The following ZNF417 variants were observed in gnomAD, a reference collection of about 807,000 sequenced individuals.
ZNF417 encodes the protein zinc finger protein 417.
Under a neutral mutation model 7.4 loss-of-function variants are expected in ZNF417, and 5 were observed. The observed-to-expected ratio is 0.68, with a 90% confidence interval of 0.35 to 1.43. The LOEUF (loss-of-function observed/expected upper bound fraction) is 1.43, where lower values mean the gene tolerates loss of function less well. ZNF417 is among the 40% of genes most tolerant of loss of function. The pLI is 0.04. For missense variants in ZNF417, 437 were observed against 697.3 expected, an observed-to-expected ratio of 0.63 and a Z score of 4.20; for synonymous variants, 147 against 239.1, an observed-to-expected ratio of 0.61 and a Z score of 3.55.
chr19:57,910,002 G>A lies in ZNF417; in HGVS notation c.276C>T (p.His92=). ...AGATGAGGCCACACATTTCACAGGGGTGAGCCTTCTTAGGAGAAACACCTG... is the reference window on the plus strand; with the variant it reads ...AGATGAGGCCACACATTTCACAGGGATGAGCCTTCTTAGGAGAAACACCTG... ...PRAGVSPKKA[H]PCEMCGLILE... Residue 92 remains histidine (H), a synonymous_variant, in exon 3 of 3, where the codon CAC becomes CAT. Coordinates refer to ENST00000312026, the MANE Select transcript of ZNF417 (RefSeq NM_152475.3). The A allele has an allele frequency of 6.3e-7, 1 of 1,590,674 alleles. No homozygotes were observed. The highest frequency in any genetic ancestry group is 8.6e-7 in the Non-Finnish European group (1 of 1,168,244).
At position 57,908,635 on chromosome 19, in the gene ZNF417, T is replaced by C. The variant is rs1319894066; in HGVS notation, c.1643A>G (p.Tyr548Cys). ...HRRIHTGERP[Y>C]ECTKCGKTFQ... ...TGTTTTTCCACATTTGGTACATTCA[T>C]AAGGCCTTTCTCCAGTGTGAATTCT... Residue 548 changes from tyrosine to cysteine, a missense_variant, in exon 3 of 3, where the codon TAT becomes TGT. By Grantham distance (194) the Tyr-to-Cys change is radical (BLOSUM62 -2). Coordinates refer to ENST00000312026, the MANE Select transcript of ZNF417 (RefSeq NM_152475.3). 1 of 1,614,094 alleles carries C rather than the reference T, an allele frequency of 6.2e-7. No homozygotes were observed. Among genetic ancestry groups the C allele is most frequent in the Non-Finnish European group, 8.5e-7 (1 of 1,180,046 alleles).
At chr19:57,916,276 C>A in intron 1 of ZNF417, 103 bp downstream of exon 1, 1 of 1,603,042 alleles carries the variant, frequency 6.2e-7, no homozygotes, top group Non-Finnish European at 8.5e-7. Flanking sequence ...TGTTCCTACG[C>A]CGGGTACCGG....
Position 57,910,008 on chromosome 19 carries a change from C to T in ZNF417, c.270G>A (p.Lys90=), listed in dbSNP as rs938193685. Residue 90 remains lysine, a synonymous_variant, in exon 3 of 3, where the codon AAG becomes AAA. Coordinates refer to ENST00000312026, the MANE Select transcript of ZNF417 (RefSeq NM_152475.3). ...RTPRAGVSPK[K]AHPCEMCGLI... is the part of the protein sequence containing the mutation. The stretch of plus-strand genomic sequence containing the variant: ...GGCCACACATTTCACAGGGGTGAGC[C>T]TTCTTAGGAGAAACACCTGCCCTAG... 3 of 1,586,710 alleles carry T rather than the reference C, an allele frequency of 1.9e-6. No individual in the cohort carries two copies. Among genetic ancestry groups the T allele is most frequent in the Non-Finnish European group, 2.6e-6 (3 of 1,166,526 alleles).
chr19:57,906,760 C>CAAAAAAAAA lies in ZNF417; in HGVS notation c.*1781_*1789dup, dbSNP rs1180110149. 88 of 30,524 alleles carry CAAAAAAAAA rather than the reference C, an allele frequency of 2.9e-3. 6 individuals are homozygous for CAAAAAAAAA. Among genetic ancestry groups the CAAAAAAAAA allele is most frequent in the African/African-American group, 3.4e-3 (27 of 7,842 alleles). 1.9% of individuals were successfully genotyped at this position (30,524 alleles called of 1,614,324 possible). On this transcript the variant is annotated 3_prime_UTR_variant, in exon 3 of 3. Transcript: ENST00000312026. Reference sequence around the variant, plus strand: ...TGGGTGACAGAGTGAGACTCTGTCTCAAAAAAAAAAAAAAAAAAAAATTTA... The same window carrying CAAAAAAAAA: ...TGGGTGACAGAGTGAGACTCTGTCTCAAAAAAAAAAAAAAAAAAAAAAAAAAAAAATTTA...
chr19:57,909,980 T>C lies in ZNF417; in HGVS notation c.298A>G (p.Ile100Val). 11 of 1,590,650 alleles carry C rather than the reference T, an allele frequency of 6.9e-6. No individual in the cohort carries two copies. The highest frequency in any genetic ancestry group is 9.4e-6 in the Non-Finnish European group (11 of 1,168,238). ...KAHPCEMCGL[I>V]LEDVFHFADH... ...GCAAAGTGAAAAACATCCTCCAAGATGAGGCCACACATTTCACAGGGGTGA... is the reference window on the plus strand; with the variant it reads ...GCAAAGTGAAAAACATCCTCCAAGACGAGGCCACACATTTCACAGGGGTGA... Residue 100 changes from isoleucine to valine, a missense_variant, in exon 3 of 3, where the codon ATC becomes GTC. This residue lies in a region of ZNF417 where 60 missense variants were observed against 266.0 expected (regional missense o/e 0.23). Coordinates refer to ENST00000312026, the MANE Select transcript of ZNF417 (RefSeq NM_152475.3).
intron 1 of ZNF417, among the ~76,000 whole-genome samples, chr19:57,916,079 GTAA>G (rs1321216793): frequency 6.6e-6 from 1 of 152,244 alleles, no homozygotes; most frequent in African/African-American, 2.4e-5. Context: ...ACTGATTTGA[GTAA>G]TAATAAAACT....
rs1271144808 is a variant in ZNF417, at chr19:57,906,436, C to T, written c.*2114G>A. On this transcript the variant is annotated 3_prime_UTR_variant, in exon 3 of 3. Transcript: ENST00000312026. Reference sequence around the variant, plus strand: ...TATTCACATTTCTCAAGTGCCATGCCTTTAGGTGCCTATACATCATGCTAT... The same window carrying T: ...TATTCACATTTCTCAAGTGCCATGCTTTTAGGTGCCTATACATCATGCTAT... 6.6e-6 allele frequency among the ~76,000 whole-genome samples: 1 copy of T among 151,910 alleles called. No homozygotes were observed. The highest frequency in any genetic ancestry group is 1.5e-5 in the Non-Finnish European group (1 of 68,006).
chr19:57,908,592 G>A lies in ZNF417; in HGVS notation c.1686C>T (p.Thr562=). The A allele has an allele frequency of 1.2e-6, 2 of 1,613,526 alleles. No homozygotes were observed. The highest frequency in any genetic ancestry group is 2.7e-5 in the African/African-American group (2 of 74,820). Residue 562 remains threonine, a synonymous_variant, in exon 3 of 3, where the codon ACC becomes ACT. Transcript: ENST00000312026. ...KCGKTFQRSS[T]LLHHQSSHRR... ...TGTGTGAACTCTGATGATGAAGGAG[G>A]GTAGAGCTTCGCTGAAATGTTTTTC...
At chr19:57,915,426 CG>C in intron 1 of ZNF417, 1 of 408,654 alleles carries the variant, frequency 2.4e-6, no homozygotes, top group Non-Finnish European at 4.5e-6. Flanking sequence ...CTCCCGGCTC[CG>C]TCCATCTCCA....
chr19:57,912,961 A>G (rs2122535480), intron 1 of ZNF417, among the ~76,000 whole-genome samples: 1 of 151,940 alleles, frequency 6.6e-6, no homozygotes, highest in East Asian at 1.9e-4. Context: ...ACGGCCCATG[A>G]TTCCCTTGGG....
Position 57,909,354 on chromosome 19 carries a change from C to T in ZNF417, c.924G>A (p.Lys308=). ...CEECGKSFSQ[K]GSLISHQRVH... ...CACGCTGATGGCTAATAAGGCTGCC[C>T]TTCTGACTAAAAGATTTCCCGCACT... Residue 308 remains lysine (K), a synonymous_variant, in exon 3 of 3, where the codon AAG becomes AAA. Coordinates refer to ENST00000312026, the MANE Select transcript of ZNF417 (RefSeq NM_152475.3). The T allele has an allele frequency of 6.2e-7, 1 of 1,614,102 alleles. No individual in the cohort carries two copies. Among genetic ancestry groups the T allele is most frequent in the Non-Finnish European group, 8.5e-7 (1 of 1,179,944 alleles).
At chr19:57,915,994 T>C (rs906244767) in intron 1 of ZNF417, among the ~76,000 whole-genome samples, 1 of 152,190 alleles carries the variant, frequency 6.6e-6, no homozygotes, top group African/African-American at 2.4e-5. Context: ...TTTAACCCTC[T>C]ATGAATCCAT....
At chr19:57,912,748 A>G (rs2071910196) in intron 1 of ZNF417, among the ~76,000 whole-genome samples, 1 of 151,856 alleles carries the variant, frequency 6.6e-6, no homozygotes, top group South Asian at 2.1e-4. Flanking sequence ...AGCCGGGATT[A>G]CAGCCACGCA....
intron 1 of ZNF417, among the ~76,000 whole-genome samples, chr19:57,914,500 A>C (rs2071927944): frequency 6.7e-6 from 1 of 149,986 alleles, no homozygotes; most frequent in Non-Finnish European, 1.5e-5. Flanking sequence ...AAAAAAAAAA[A>C]AAAAAAAAAA....
rs1472325582 is a variant in ZNF417, at chr19:57,916,530, C to A, written c.-119G>T. The stretch of plus-strand genomic sequence containing the variant: ...TTCTAGGTTCAGTCACCGCGGTCCC[C>A]CCCCAGCACTCAGGGGCCACAAACT... On this transcript the variant is annotated 5_prime_UTR_variant, in exon 1 of 3. Coordinates refer to ENST00000312026, the MANE Select transcript of ZNF417 (RefSeq NM_152475.3). 1 of 1,566,012 alleles carries A rather than the reference C, an allele frequency of 6.4e-7. No homozygotes were observed. Among genetic ancestry groups the A allele is most frequent in the Non-Finnish European group, 8.6e-7 (1 of 1,157,172 alleles).
chr19:57,912,323 C>T (rs2071906352), intron 1 of ZNF417, 134 bp from the exon 2 acceptor site: 1 of 1,478,132 alleles, frequency 6.8e-7, no homozygotes, highest in Non-Finnish European at 9.1e-7. Flanking sequence ...TCCACTAGTG[C>T]CTTTGTCTCT....
rs1016631304 is a variant in ZNF417, at chr19:57,906,476, G to A, written c.*2074C>T. Among the ~76,000 whole-genome samples the A allele has an allele frequency of 1.3e-5, 2 of 151,900 alleles. No homozygotes were observed. Among genetic ancestry groups the A allele is most frequent in the African/African-American group, 4.8e-5 (2 of 41,346 alleles). ...CATCATGCTATCATAGGATTTCTAG[G>A]GATAAGCCGAGTGCCGTGGCAGATG... On this transcript the variant is annotated 3_prime_UTR_variant, in exon 3 of 3. Coordinates refer to ENST00000312026, the MANE Select transcript of ZNF417 (RefSeq NM_152475.3).
chr19:57,910,163 G>A (rs376575518), intron 2 of ZNF417, 49 bp from the exon 3 acceptor site: 7 of 1,573,182 alleles, frequency 4.4e-6, no homozygotes, highest in Non-Finnish European at 6.0e-6. Flanking sequence ...CTGACGGGAA[G>A]GCACAGCCCA....
chr19:57,911,376 G>T (rs1430323455), intron 2 of ZNF417, among the ~76,000 whole-genome samples: 1 of 152,170 alleles, frequency 6.6e-6, no homozygotes, highest in Non-Finnish European at 1.5e-5. Flanking sequence ...GTATGATTTG[G>T]ATAAACCCCT....
Sources: allele counts gnomAD v4.1 joint callset (sites outside exome capture counted in the v4.1 genomes callset), GRCh38; gene constraint gnomAD v4.1.1; regional missense constraint gnomAD v4.1.1; transcripts MANE v1.5; gene names NCBI Gene and HGNC (gene_info 2026-07-23, HGNC 2026-07-21).